Variants in GMDS observed in about 807,000 individuals in gnomAD.
GMDS encodes GDP-mannose 4,6-dehydratase.
A neutral mutation model predicts 49.9 loss-of-function variants in GMDS; 20 were observed. The ratio of observed to expected loss-of-function variants is 0.40; its 90% CI spans 0.28 to 0.58. The LOEUF (loss-of-function observed/expected upper bound fraction) is 0.58, where lower values mean the gene tolerates loss of function less well. Among genes scored for constraint, GMDS ranks in the 20% least tolerant of loss-of-function variants. The pLI, the probability that GMDS is intolerant of heterozygous loss-of-function variation, is 0.42. For missense variants in GMDS, 362 were observed against 481.4 expected (o/e 0.75, Z 2.32); for synonymous variants, 177 against 178.6 (o/e 0.99, Z 0.07).
At chr6:1,749,578 G>T (rs923417630) in intron 7 of GMDS, among the ~76,000 whole-genome samples, 3 of 108,578 alleles carry the variant, frequency 2.8e-5, no homozygotes, top group Non-Finnish European at 1.9e-5. Flanking sequence ...GGGTGACAGA[G>T]ACTTTATCTC....
At chr6:2,003,304 T>A (rs1356624033) in intron 4 of GMDS, among the ~76,000 whole-genome samples, 1 of 152,204 alleles carries the variant, frequency 6.6e-6, no homozygotes, top group South Asian at 2.1e-4. Context: ...CTTATTAATA[T>A]TCTTTGTATC....
Position 1,877,446 on chromosome 6 carries a change from C to T in GMDS, c.771+52657G>A, listed in dbSNP as rs560382934. ...CTTGAGGAAAGGAGTTCGAGACCAGCCTGGGCAACATAGCAAGATCCTATG... is the reference window on the plus strand; with the variant it reads ...CTTGAGGAAAGGAGTTCGAGACCAGTCTGGGCAACATAGCAAGATCCTATG... On this transcript the variant is annotated intron_variant, in intron 7 of 10. Coordinates refer to ENST00000380815, the MANE Select transcript of GMDS (RefSeq NM_001500.4). Among the ~76,000 whole-genome samples, 590 of 151,864 alleles carry T rather than the reference C, an allele frequency of 3.9e-3. 1 individual carries two copies. Among genetic ancestry groups the T allele is most frequent in the African/African-American group, 0.014 (575 of 41,402 alleles).
intron 1 of GMDS, among the ~76,000 whole-genome samples, chr6:2,241,170 T>C (rs996213179): frequency 6.6e-6 from 1 of 151,558 alleles, no homozygotes. Context: ...CCTCAAGGAG[T>C]CCTGGAACGT....
At chr6:2,059,050 C>T (rs1437664954) in intron 4 of GMDS, among the ~76,000 whole-genome samples, 2 of 151,356 alleles carry the variant, frequency 1.3e-5, no homozygotes, top group Non-Finnish European at 2.9e-5. Flanking sequence ...GTGGCGGGTG[C>T]CTGTAATCCC....
At chr6:1,983,614 G>GA (rs1272416109) in intron 4 of GMDS, among the ~76,000 whole-genome samples, 7 of 151,726 alleles carry the variant, frequency 4.6e-5, no homozygotes, top group African/African-American at 1.2e-4. Context: ...ACAAGCATTT[G>GA]AAAAAAAAGC....
chr6:2,209,139 C>T (rs1293218579), intron 1 of GMDS, among the ~76,000 whole-genome samples: 1 of 152,184 alleles, frequency 6.6e-6, no homozygotes, highest in Non-Finnish European at 1.5e-5. Context: ...CATAATCAGA[C>T]TTCTTATAAC....
intron 4 of GMDS, among the ~76,000 whole-genome samples, chr6:2,065,833 T>C (rs575809767): frequency 2.3e-4 from 35 of 152,278 alleles, no homozygotes; most frequent in African/African-American, 8.4e-4. Flanking sequence ...TGGAACCAAG[T>C]TGGAAAACAC....
intron 4 of GMDS, among the ~76,000 whole-genome samples, chr6:2,005,742 TC>T (rs1188087147): frequency 2.6e-5 from 4 of 152,132 alleles, no homozygotes; most frequent in Non-Finnish European, 4.4e-5. Context: ...ATATCCAACT[TC>T]CAGACTCAGC....
intron 1 of GMDS, among the ~76,000 whole-genome samples, chr6:2,205,382 C>T (rs916328553): frequency 3.9e-5 from 6 of 152,178 alleles, no homozygotes; most frequent in East Asian, 1.9e-4. Context: ...CACATCCTGC[C>T]GCCTTCTTAC....
chr6:1,896,182 G>T (rs1381608898), intron 7 of GMDS, among the ~76,000 whole-genome samples: 1 of 152,102 alleles, frequency 6.6e-6, no homozygotes, highest in African/African-American at 2.4e-5. Context: ...ACCATTCATT[G>T]TTGCCCTGTG....
intron 7 of GMDS, among the ~76,000 whole-genome samples, chr6:1,842,521 C>T (rs1444003057): frequency 6.6e-6 from 1 of 152,120 alleles, no homozygotes; most frequent in Non-Finnish European, 1.5e-5. Context: ...TGCTGGCAGC[C>T]GACTTACAGC....
At chr6:1,867,979 C>T (rs915248803) in intron 7 of GMDS, among the ~76,000 whole-genome samples, 4 of 151,888 alleles carry the variant, frequency 2.6e-5, no homozygotes, top group African/African-American at 9.6e-5. Context: ...GACTTTCCTT[C>T]TCAACAGCTG....
At chr6:1,736,091 C>T (rs1395058122) in intron 8 of GMDS, among the ~76,000 whole-genome samples, 1 of 152,168 alleles carries the variant, frequency 6.6e-6, no homozygotes, top group African/African-American at 2.4e-5. Context: ...TGGTGAATTG[C>T]ATCAACTGCC....
chr6:2,069,351 G>A (rs1437570242), intron 4 of GMDS, among the ~76,000 whole-genome samples: 1 of 152,098 alleles, frequency 6.6e-6, no homozygotes, highest in Non-Finnish European at 1.5e-5. Flanking sequence ...CAGGACATAG[G>A]CATGGGCAAG....
chr6:1,981,553 C>T (rs1318126548), intron 4 of GMDS, among the ~76,000 whole-genome samples: 1 of 152,026 alleles, frequency 6.6e-6, no homozygotes, highest in Non-Finnish European at 1.5e-5. Context: ...AAAGAAAGCC[C>T]AGGACCAGAT....
At chr6:1,711,845 G>A (rs1398639130) in intron 9 of GMDS, among the ~76,000 whole-genome samples, 1 of 152,180 alleles carries the variant, frequency 6.6e-6, no homozygotes. Context: ...GAGCTGGGTG[G>A]AGGGACAGTT....
At chr6:2,203,821 G>A (rs368706424) in intron 1 of GMDS, among the ~76,000 whole-genome samples, 10 of 152,110 alleles carry the variant, frequency 6.6e-5, no homozygotes, top group Non-Finnish European at 7.4e-5. Context: ...AAACATCATC[G>A]CAATAGCACA....
At chr6:2,100,657 A>G (rs1476047363) in intron 4 of GMDS, among the ~76,000 whole-genome samples, 2 of 152,032 alleles carry the variant, frequency 1.3e-5, no homozygotes, top group Admixed American at 1.3e-4. Flanking sequence ...CAGCAACAAA[A>G]TCTATATCAC....
intron 8 of GMDS, among the ~76,000 whole-genome samples, chr6:1,737,665 C>T (rs1036300883): frequency 6.7e-6 from 1 of 148,264 alleles, no homozygotes; most frequent in Non-Finnish European, 1.5e-5. Context: ...ACACACCACA[C>T]ACACAGATAT....
Sources: allele counts gnomAD v4.1 joint callset (sites outside exome capture counted in the v4.1 genomes callset), GRCh38; gene constraint gnomAD v4.1.1; transcripts MANE v1.5; gene names NCBI Gene and HGNC (gene_info 2026-07-23, HGNC 2026-07-21).